The following QTMAN variants were observed in gnomAD, a reference collection of about 807,000 sequenced individuals.
The protein encoded by QTMAN is tRNA-queuosine alpha-mannosyltransferase.
At chr2:144,119,273 T>A in the QTMAN span, among the ~76,000 whole-genome samples, 1 of 152,244 alleles carries the variant, frequency 6.6e-6, no homozygotes, top group East Asian at 1.9e-4. Flanking sequence ...ATTTCTAACT[T>A]TGCACTAACC....
At chr2:144,089,970 T>C in the QTMAN span, among the ~76,000 whole-genome samples, 2 of 152,000 alleles carry the variant, frequency 1.3e-5, no homozygotes, top group African/African-American at 4.8e-5. Flanking sequence ...ATTTCACATA[T>C]ACCCCGTAAA....
chr2:144,133,458 T>A, the QTMAN span, among the ~76,000 whole-genome samples: 1 of 72,598 alleles, frequency 1.4e-5, no homozygotes, highest in Non-Finnish European at 2.4e-5. Flanking sequence ...TAATATATAA[T>A]ATATATTATA....
the QTMAN span, among the ~76,000 whole-genome samples, chr2:144,035,740 A>T: frequency 6.6e-6 from 1 of 152,214 alleles, no homozygotes; most frequent in Non-Finnish European, 1.5e-5. Context: ...CCATTTCAAC[A>T]GTTTTGAGAA....
At chr2:144,171,626 T>C in the QTMAN span, among the ~76,000 whole-genome samples, 1 of 152,310 alleles carries the variant, frequency 6.6e-6, no homozygotes, top group South Asian at 2.1e-4. Context: ...TACTGGACAT[T>C]TCAATATTTG....
chr2:143,954,097 C>G, the QTMAN span, among the ~76,000 whole-genome samples: 1 of 151,796 alleles, frequency 6.6e-6, no homozygotes, highest in East Asian at 1.9e-4. Flanking sequence ...AAACTAATAC[C>G]TCATATTTTT....
the QTMAN span, among the ~76,000 whole-genome samples, chr2:144,064,383 T>C: frequency 6.6e-6 from 1 of 152,324 alleles, no homozygotes; most frequent in Admixed American, 6.5e-5. Context: ...GAATATTTCT[T>C]TCAAATTATT....
the QTMAN span, among the ~76,000 whole-genome samples, chr2:144,050,143 TGTC>T: frequency 6.6e-6 from 1 of 152,184 alleles, no homozygotes; most frequent in African/African-American, 2.4e-5. Flanking sequence ...TTTCTTCCAT[TGTC>T]GTATTTTTGT....
the QTMAN span, among the ~76,000 whole-genome samples, chr2:144,218,436 C>T: frequency 5.3e-5 from 8 of 152,180 alleles, no homozygotes; most frequent in Non-Finnish European, 1.0e-4. Flanking sequence ...AATCATTACA[C>T]TGGCATTTTT....
At chr2:144,082,687 G>A in the QTMAN span, among the ~76,000 whole-genome samples, 1 of 152,092 alleles carries the variant, frequency 6.6e-6, no homozygotes, top group African/African-American at 2.4e-5. Flanking sequence ...AAGAAATTAA[G>A]GCTCAGATAA....
At chr2:144,015,896 A>G in the QTMAN span, among the ~76,000 whole-genome samples, 12 of 152,188 alleles carry the variant, frequency 7.9e-5, no homozygotes, top group African/African-American at 2.9e-4. Flanking sequence ...TAATCTGTAA[A>G]ATAGGATAGT....
At chr2:144,251,652 T>C in the QTMAN span, among the ~76,000 whole-genome samples, 1 of 152,120 alleles carries the variant, frequency 6.6e-6, no homozygotes, top group Non-Finnish European at 1.5e-5. Flanking sequence ...AGAAATTAGA[T>C]GATCTTGGGT....
the QTMAN span, among the ~76,000 whole-genome samples, chr2:144,106,431 AC>A: frequency 6.6e-6 from 1 of 152,206 alleles, no homozygotes; most frequent in African/African-American, 2.4e-5. Flanking sequence ...CAAATGGAAA[AC>A]AAAAAAAGGC....
the QTMAN span, among the ~76,000 whole-genome samples, chr2:143,960,747 G>A: frequency 6.6e-6 from 1 of 152,006 alleles, no homozygotes; most frequent in East Asian, 1.9e-4. Context: ...GGAATAAAAA[G>A]TGTTTTCAAT....
the QTMAN span, among the ~76,000 whole-genome samples, chr2:144,131,255 C>T: frequency 6.6e-6 from 1 of 151,758 alleles, no homozygotes; most frequent in South Asian, 2.1e-4. Context: ...ATCAGCAAAT[C>T]TGTTTCTCAA....
the QTMAN span, among the ~76,000 whole-genome samples, chr2:144,256,677 A>C: frequency 6.6e-6 from 1 of 152,150 alleles, no homozygotes; most frequent in African/African-American, 2.4e-5. Context: ...AGGGAGGGGA[A>C]CATCACACAC....
At chr2:144,054,154 C>T in the QTMAN span, among the ~76,000 whole-genome samples, 1 of 151,988 alleles carries the variant, frequency 6.6e-6, no homozygotes, top group African/African-American at 2.4e-5. Flanking sequence ...AGCCACTGCA[C>T]TCTAGCCTGG....
the QTMAN span, among the ~76,000 whole-genome samples, chr2:144,264,708 G>C: frequency 1.8e-3 from 269 of 152,318 alleles, 2 homozygotes; most frequent in Middle Eastern, 0.01. Context: ...TACCATGAGA[G>C]GGAAAGTGGT....
At chr2:144,082,339 T>C in the QTMAN span, among the ~76,000 whole-genome samples, 11 of 152,156 alleles carry the variant, frequency 7.2e-5, no homozygotes, top group Non-Finnish European at 1.2e-4. Flanking sequence ...AGCACAACAT[T>C]TGGCTACCAA....
the QTMAN span, among the ~76,000 whole-genome samples, chr2:144,134,809 T>A: frequency 6.6e-6 from 1 of 152,146 alleles, no homozygotes; most frequent in African/African-American, 2.4e-5. Flanking sequence ...TAGCATCCAT[T>A]CATCTCCTCA....
Sources: gnomAD v4.1 joint callset for allele counts (sites outside exome capture counted in the v4.1 genomes callset) on GRCh38, gnomAD v4.1.1 for gene constraint, MANE v1.5 for transcripts, NCBI Gene and HGNC (gene_info 2026-07-23, HGNC 2026-07-21) for gene names.